The following TARBP2 variants were observed in gnomAD, a reference collection of about 807,000 sequenced individuals.
The protein encoded by TARBP2 is TARBP2 subunit of RISC loading complex, also known as RISC-loading complex subunit TARBP2.
TARBP2 carries 23 observed loss-of-function variants against 40.4 expected under a neutral mutation model. The observed-to-expected ratio is 0.57, with a 90% CI of 0.41 to 0.81. TARBP2 has a LOEUF of 0.81. Ranked by LOEUF, TARBP2 falls within the 30% of genes least tolerant of loss-of-function variation. The pLI is 0.00. For missense variants in TARBP2, 358 were observed against 473.7 expected (o/e 0.76, Z 2.27); for synonymous variants, 183 against 190.5 (o/e 0.96, Z 0.32).
At chr12:53,501,606 G>A in intron 1 of TARBP2, 145 bp downstream of exon 1, 1 of 1,473,070 alleles carries the variant, frequency 6.8e-7, no homozygotes, top group East Asian at 2.5e-5. Context: ...GGCGTGCACC[G>A]GGGCAGTGGC....
intron 3 of TARBP2, 187 bp downstream of exon 3, chr12:53,503,316 GGGTT>G: frequency 7.4e-7 from 1 of 1,347,828 alleles, no homozygotes. Flanking sequence ...TGGGGTGGAG[GGGTT>G]GGTTAGCCCC....
chr12:53,502,107 A>T lies in TARBP2; in HGVS notation c.146A>T (p.Asp49Val), dbSNP rs750705674. The change falls in exon 2 of 9, where the codon GAC (aspartate) becomes GTC (valine). Residue 49 changes from aspartate to valine, a missense_variant. This residue lies in a region of TARBP2 where 317 missense variants were observed against 422.9 expected (regional missense o/e 0.75). Transcript: ENST00000266987. Reference sequence around the variant, plus strand: ...AGAATAGGGAAGACGCCTGTGTACGACCTTCTCAAAGCCGAGGGCCAAGCC... The same window carrying T: ...AGAATAGGGAAGACGCCTGTGTACGTCCTTCTCAAAGCCGAGGGCCAAGCC... ...GTRIGKTPVY[D>V]LLKAEGQAHQ... is the part of the protein sequence containing the mutation. 2 of 1,614,080 alleles carry T rather than the reference A, an allele frequency of 1.2e-6. No homozygotes were observed. Among genetic ancestry groups the T allele is most frequent in the South Asian group, 2.2e-5 (2 of 91,080 alleles).
chr12:53,505,912 G>C lies in TARBP2; in HGVS notation c.943+62G>C, dbSNP rs1943959168. ...GGGCTGGACCGGAGCAAGTAGAAGG[G>C]GGTGATGATAACGTGAACGCACCCC... is the stretch of plus-strand genomic sequence containing the variant. On this transcript the variant is annotated intron_variant, in intron 8 of 8. Transcript: ENST00000266987. The surrounding 1 kb of genome is among the most constrained non-coding windows in gnomAD (Gnocchi z 4.5). 1.9e-6 allele frequency: 3 copies of C among 1,605,494 alleles called. No individual in the cohort carries two copies. Among genetic ancestry groups the C allele is most frequent in the Admixed American group, 3.3e-5 (2 of 59,790 alleles).
At chr12:53,501,690 C>T (rs1943717697) in intron 1 of TARBP2, 5 of 1,435,410 alleles carry the variant, frequency 3.5e-6, no homozygotes, top group Admixed American at 2.9e-5. Context: ...GCTTTATGCC[C>T]CCACATTCAG....
chr12:53,505,951 C>G lies in TARBP2; in HGVS notation c.944-40C>G. 1 of 1,606,096 alleles carries G rather than the reference C, an allele frequency of 6.2e-7. No individual in the cohort carries two copies. Among genetic ancestry groups the G allele is most frequent in the African/African-American group, 1.3e-5 (1 of 74,902 alleles). Reference sequence around the variant, plus strand: ...TGAACGCACCCCTCCCCAGGGCTACCTCCCCCAACATTGCCTCCCTCCTCT... The same window carrying G: ...TGAACGCACCCCTCCCCAGGGCTACGTCCCCCAACATTGCCTCCCTCCTCT... On this transcript the variant is annotated intron_variant, in intron 8 of 8. Coordinates refer to ENST00000266987, the MANE Select transcript of TARBP2 (RefSeq NM_134323.2). The surrounding 1 kb of genome is among the most constrained non-coding windows in gnomAD (Gnocchi z 4.5).
At chr12:53,501,190 C>G (rs1592730909), upstream of TARBP2, 2 of 582,766 alleles carry the variant, frequency 3.4e-6, no homozygotes, top group Admixed American at 6.2e-5. Flanking sequence ...GCAGCCTGCC[C>G]GGGCGAGCCA....
chr12:53,504,204 CCCTTGAGTGGGAGGGGGAAGGAAGCCGG>C, intron 4 of TARBP2, 165 bp from the exon 5 acceptor site: 1 of 584,618 alleles, frequency 1.7e-6, no homozygotes, highest in Non-Finnish European at 3.0e-6. Context: ...GAGAAGGCCT[CCCTTGAGTGGGAGGGGGAAGGAAGCCGG>C]CTAGAGCAGG....
intron 2 of TARBP2, chr12:53,502,503 C>A: frequency 2.9e-6 from 1 of 341,922 alleles, no homozygotes; most frequent in Non-Finnish European, 5.4e-6. Context: ...GGGCTCTGTT[C>A]CCGGTGCTTA....
Position 53,505,380 on chromosome 12 carries a change from C to T in TARBP2, c.741+118C>T. On this transcript the variant is annotated intron_variant, in intron 7 of 8. Transcript: ENST00000266987. The surrounding 1 kb of genome is among the most constrained non-coding windows in gnomAD (Gnocchi z 4.5). The stretch of plus-strand genomic sequence containing the variant: ...CTCTGGGCCCTAGGTCTGCTTCTGC[C>T]ACAGTTTTCCTACCAGACCCAGGGT... The T allele has an allele frequency of 6.9e-7, 1 of 1,439,354 alleles. No individual in the cohort carries two copies. The highest frequency in any genetic ancestry group is 9.3e-7 in the Non-Finnish European group (1 of 1,080,046). 89.2% of individuals were successfully genotyped at this position (1,439,354 alleles called of 1,614,324 possible).
Position 53,506,316 on chromosome 12 carries a change from A to C in TARBP2, c.*168A>C, listed in dbSNP as rs1943985042. 1.2e-6 allele frequency: 1 copy of C among 818,316 alleles called. No individual in the cohort carries two copies. Among genetic ancestry groups the C allele is most frequent in the Admixed American group, 2.9e-5 (1 of 34,350 alleles). The allele number at this position is 818,316 out of a possible 1,614,324, so 50.7% of individuals were successfully genotyped here. A position where few individuals can be genotyped will look rare whatever the true frequency, so the allele number is the denominator to read the frequency against. On this transcript the variant is annotated 3_prime_UTR_variant, in exon 9 of 9. Coordinates refer to ENST00000266987, the MANE Select transcript of TARBP2 (RefSeq NM_134323.2). ...CACAGGGCAAGGAGCCAAGGACCAC[A>C]GAGCCTCAGCCAGCCCAGGATCCGT...
rs1943947322 is a variant in TARBP2 at position 53,505,733 on chromosome 12, A to G, written c.826A>G (p.Ile276Val). The G allele has an allele frequency of 6.2e-7, 1 of 1,613,866 alleles. No individual in the cohort carries two copies. Among genetic ancestry groups the G allele is most frequent in the Non-Finnish European group, 8.5e-7 (1 of 1,179,954 alleles). Residue 276 changes from isoleucine (I) to valine (V), a missense_variant, in exon 8 of 9, where the codon ATC becomes GTC. Physicochemically the swap from Ile to Val is conservative, Grantham distance 29. This residue lies in a region of TARBP2 where 317 missense variants were observed against 422.9 expected (regional missense o/e 0.75). Coordinates refer to ENST00000266987, the MANE Select transcript of TARBP2 (RefSeq NM_134323.2). This position sits in a 1 kb window ranked among gnomAD's most constrained non-coding sequence, Gnocchi z 4.5. ...TCTACGAAATTCAGTAGGAGAGAAG[A>G]TCCTGTCCCTCCGCAGTTGCTCCCT... ...DSLRNSVGEK[I>V]LSLRSCSLGS...
chr12:53,501,682 T>G, intron 1 of TARBP2: 2 of 1,437,514 alleles, frequency 1.4e-6, no homozygotes, highest in East Asian at 2.5e-5. Flanking sequence ...AACACTGGGC[T>G]TTATGCCCCC....
rs773651708 is a variant in TARBP2, at chr12:53,505,740, C to T, written c.833C>T (p.Ser278Phe). 2 of 1,613,926 alleles carry T rather than the reference C, an allele frequency of 1.2e-6. No homozygotes were observed. The highest frequency in any genetic ancestry group is 2.2e-5 in the East Asian group (1 of 44,876). Residue 278 changes from serine (S) to phenylalanine (F), a missense_variant, in exon 8 of 9, where the codon TCC becomes TTC. By Grantham distance (155) the Ser-to-Phe change is radical. This residue lies in a region of TARBP2 where 317 missense variants were observed against 422.9 expected (regional missense o/e 0.75). Coordinates refer to ENST00000266987, the MANE Select transcript of TARBP2 (RefSeq NM_134323.2). The surrounding 1 kb of genome is among the most constrained non-coding windows in gnomAD (Gnocchi z 4.5). ...LRNSVGEKIL[S>F]LRSCSLGSLG... ...AATTCAGTAGGAGAGAAGATCCTGT[C>T]CCTCCGCAGTTGCTCCCTGGGCTCC...
upstream of TARBP2, chr12:53,501,184 C>G: frequency 5.2e-6 from 3 of 578,364 alleles, no homozygotes; most frequent in South Asian, 6.3e-5. Context: ...GGCGGTGCAG[C>G]CTGCCCGGGC....
Position 53,505,772 on chromosome 12 carries a change from G to A in TARBP2, c.865G>A (p.Ala289Thr). 6.2e-7 allele frequency: 1 copy of A among 1,613,966 alleles called. No homozygotes were observed. The highest frequency in any genetic ancestry group is 8.5e-7 in the Non-Finnish European group (1 of 1,179,870). The part of the protein sequence containing the change: ...LRSCSLGSLG[A>T]LGPACCRVLS... ...CAGTTGCTCCCTGGGCTCCCTGGGT[G>A]CCCTGGGCCCTGCCTGCTGCCGTGT... Residue 289 changes from alanine (A) to threonine (T), a missense_variant, in exon 8 of 9, where the codon GCC becomes ACC. This residue lies in a region of TARBP2 where 317 missense variants were observed against 422.9 expected (regional missense o/e 0.75). Coordinates refer to ENST00000266987, the MANE Select transcript of TARBP2 (RefSeq NM_134323.2). This position sits in a 1 kb window ranked among gnomAD's most constrained non-coding sequence, Gnocchi z 4.5.
In TARBP2 at chr12:53,503,746, G is replaced by A. The variant is rs780987963; in HGVS notation, c.360G>A (p.Glu120=). The A allele has an allele frequency of 1.2e-6, 2 of 1,614,182 alleles. No individual in the cohort carries two copies. The highest frequency in any genetic ancestry group is 2.2e-5 in the South Asian group (2 of 91,086). ...SFSPLDSSLP[E]DIPVFTAAAA... ...CTCCCCTAGACTCTTCACTGCCTGA[G>A]GACATTCCGGTTTTTACTGCTGCAG... Residue 120 remains glutamate, a synonymous_variant, in exon 4 of 9, where the codon GAG becomes GAA. Transcript: ENST00000266987.
At chr12:53,501,495 A>AT in intron 1 of TARBP2, 34 bp downstream of exon 1, 1 of 1,555,424 alleles carries the variant, frequency 6.4e-7, no homozygotes, top group Non-Finnish European at 8.7e-7. Context: ...TTCAGGGCGA[A>AT]AAGCGTGGGG....
chr12:53,502,552 A>C, intron 2 of TARBP2: 1 of 276,928 alleles, frequency 3.6e-6, no homozygotes, highest in Non-Finnish European at 7.0e-6. Context: ...AGTCTAACCA[A>C]TGATTGTAGG....
chr12:53,501,257 A>C (rs1305583606), upstream of TARBP2: 12 of 753,746 alleles, frequency 1.6e-5, no homozygotes, highest in Non-Finnish European at 2.2e-5. Context: ...CTCACGAAGT[A>C]GGGTGGGCGG....
Sources: allele counts gnomAD v4.1 joint callset, GRCh38; gene constraint gnomAD v4.1.1; regional missense constraint gnomAD v4.1.1; non-coding constraint Gnocchi (gnomAD v3.1); transcripts MANE v1.5; gene names NCBI Gene and HGNC (gene_info 2026-07-23, HGNC 2026-07-21).